The following ALDH1L1 variants were observed in gnomAD, a reference collection of about 807,000 sequenced individuals.
ALDH1L1 encodes the protein cytosolic 10-formyltetrahydrofolate dehydrogenase.
ALDH1L1 carries 68 observed loss-of-function variants against 101.1 expected under a neutral mutation model. The ratio of observed to expected loss-of-function variants is 0.67; its 90% confidence interval spans 0.55 to 0.82. The LOEUF (loss-of-function observed/expected upper bound fraction) is 0.82, where lower values mean the gene tolerates loss of function less well. Among genes scored for constraint, ALDH1L1 ranks in the 40% least tolerant of loss-of-function variants. The probability of loss-of-function intolerance (pLI) is 0.00; values close to 1 mark genes in which losing one functional copy is unlikely to be tolerated. For missense variants in ALDH1L1, 1,087 were observed against 1,172.7 expected (o/e 0.93, Z 1.07); for synonymous variants, 486 against 470.8 (o/e 1.03, Z -0.42).
upstream of ALDH1L1, among the ~76,000 whole-genome samples, chr3:126,184,224 C>G (rs1291590678): frequency 6.6e-6 from 1 of 152,224 alleles, no homozygotes; most frequent in African/African-American, 2.4e-5. Flanking sequence ...CTGAAACCCT[C>G]TTTTGCCAGT....
At chr3:126,140,298 A>G (rs1344564857) in intron 9 of ALDH1L1, among the ~76,000 whole-genome samples, 2 of 152,216 alleles carry the variant, frequency 1.3e-5, no homozygotes, top group African/African-American at 4.8e-5. Context: ...CGAATTCCAT[A>G]TCCATCAAAA....
chr3:126,118,604 G>A (rs1232023198), intron 16 of ALDH1L1, among the ~76,000 whole-genome samples: 1 of 152,020 alleles, frequency 6.6e-6, no homozygotes, highest in East Asian at 1.9e-4. Flanking sequence ...GCGGAGCTTT[G>A]ACATGGTAGC....
chr3:126,140,571 G>A (rs2080546777), intron 9 of ALDH1L1, among the ~76,000 whole-genome samples: 1 of 151,970 alleles, frequency 6.6e-6, no homozygotes, highest in Non-Finnish European at 1.5e-5. Flanking sequence ...ATAGGCAAGT[G>A]CATAAAACAA....
Position 126,138,016 on chromosome 3 carries a change from C to T in ALDH1L1, c.1077-56G>A, listed in dbSNP as rs925614317. On this transcript the variant is annotated intron_variant, in intron 9 of 22. Coordinates refer to ENST00000393434, the MANE Select transcript of ALDH1L1 (RefSeq NM_012190.4). ...CGGGAGGGGCTCAGCAGGCCTGCAT[C>T]GCTAGCAGCAGTGGCAGTGGGGCCA... 5.0e-6 allele frequency: 8 copies of T among 1,602,154 alleles called. No homozygotes were observed. The Admixed American group carries it at 5.0e-5, about 10-fold the overall frequency.
upstream of ALDH1L1, among the ~76,000 whole-genome samples, chr3:126,183,043 C>T (rs549606628): frequency 7.2e-5 from 11 of 152,274 alleles, no homozygotes; most frequent in African/African-American, 2.4e-4. Flanking sequence ...GGCTTCCAGG[C>T]AAAGAGCAAA....
chr3:126,144,152 C>G (rs959672868), intron 9 of ALDH1L1, among the ~76,000 whole-genome samples: 1 of 152,052 alleles, frequency 6.6e-6, no homozygotes, highest in East Asian at 1.9e-4. Context: ...ATAAATTTAA[C>G]CAAGTAGCCA....
chr3:126,169,873 T>C (rs1576490185), intron 1 of ALDH1L1, among the ~76,000 whole-genome samples: 1 of 152,224 alleles, frequency 6.6e-6, no homozygotes, highest in Admixed American at 6.5e-5. Context: ...GTAAAAATTA[T>C]GTTTCAAAAA....
intron 12 of ALDH1L1, among the ~76,000 whole-genome samples, chr3:126,134,611 C>T (rs902156005): frequency 6.6e-6 from 1 of 152,240 alleles, no homozygotes; most frequent in African/African-American, 2.4e-5. Context: ...TTTTGCAGAC[C>T]ATGCTCTTGC....
intron 12 of ALDH1L1, 135 bp from the exon 13 acceptor site, chr3:126,131,669 C>T (rs1423734696): frequency 1.8e-5 from 17 of 966,442 alleles, no homozygotes; most frequent in Admixed American, 8.5e-5. Context: ...TGCGGACCTC[C>T]GTTTCTGATC....
At chr3:126,194,888 A>G (rs2081573814) in intron 1 of ALDH1L1, among the ~76,000 whole-genome samples, 2 of 152,006 alleles carry the variant, frequency 1.3e-5, no homozygotes, top group Non-Finnish European at 2.9e-5. Flanking sequence ...AGCAACTTTT[A>G]CTTTTGGTGC....
chr3:126,136,737 G>T, intron 11 of ALDH1L1, 27 bp downstream of exon 11: 1 of 1,556,026 alleles, frequency 6.4e-7, no homozygotes, highest in Non-Finnish European at 8.7e-7. Flanking sequence ...GGGGAATGTG[G>T]AGAAGGGGTG....
At chr3:126,141,292 A>G (rs2080562971) in intron 9 of ALDH1L1, among the ~76,000 whole-genome samples, 1 of 152,098 alleles carries the variant, frequency 6.6e-6, no homozygotes, top group South Asian at 2.1e-4. Context: ...GTAGTTAGCT[A>G]CTTAGATGCC....
At chr3:126,163,442 T>C (rs2081103056) in intron 1 of ALDH1L1, among the ~76,000 whole-genome samples, 1 of 152,236 alleles carries the variant, frequency 6.6e-6, no homozygotes, top group African/African-American at 2.4e-5. Flanking sequence ...TTTACTTTCT[T>C]ATAGCACTTG....
intron 11 of ALDH1L1, among the ~76,000 whole-genome samples, chr3:126,136,084 G>A (rs76293376): frequency 0.06 from 9,098 of 152,122 alleles, 850 homozygotes; most frequent in African/African-American, 0.2. Context: ...CTGATGCTCC[G>A]TCCCAAGGGC....
intron 1 of ALDH1L1, among the ~76,000 whole-genome samples, chr3:126,175,920 C>A (rs1361138374): frequency 1.3e-5 from 2 of 152,084 alleles, no homozygotes; most frequent in African/African-American, 2.4e-5. Flanking sequence ...TCTCAAAAAA[C>A]ATAATTGGCT....
intron 17 of ALDH1L1, 84 bp downstream of exon 17, chr3:126,117,921 A>G: frequency 7.5e-7 from 1 of 1,327,536 alleles, no homozygotes; most frequent in Non-Finnish European, 1.1e-6. Flanking sequence ...CCTGGGAAGC[A>G]GGACACAGCT....
At chr3:126,110,171 C>T (rs1318920595) in intron 19 of ALDH1L1, 62 bp from the exon 20 acceptor site, 7 of 1,592,484 alleles carry the variant, frequency 4.4e-6, no homozygotes, top group Non-Finnish European at 6.0e-6. Flanking sequence ...CAATGATCCT[C>T]ACCTGACTCA....
chr3:126,140,700 C>T (rs1468964569), intron 9 of ALDH1L1, among the ~76,000 whole-genome samples: 1 of 151,930 alleles, frequency 6.6e-6, no homozygotes, highest in Non-Finnish European at 1.5e-5. Flanking sequence ...ACTATTGAAG[C>T]TAGGTTGATA....
chr3:126,191,802 C>G (rs1446877445), intron 1 of ALDH1L1, among the ~76,000 whole-genome samples: 2 of 152,108 alleles, frequency 1.3e-5, no homozygotes. Context: ...CCTTTATGTG[C>G]AAGTTGCTGT....
Sources: gnomAD v4.1 joint callset for allele counts (sites outside exome capture counted in the v4.1 genomes callset) on GRCh38, gnomAD v4.1.1 for gene constraint, MANE v1.5 for transcripts, NCBI Gene and HGNC (gene_info 2026-07-23, HGNC 2026-07-21) for gene names.